The following XIRP2 variants were observed in gnomAD, a reference collection of about 807,000 sequenced individuals.
XIRP2 encodes xin actin binding repeat containing 2, also known as xin actin-binding repeat-containing protein 2.
In XIRP2, 236 loss-of-function variants were observed where a neutral mutation model predicts 277.0. That is an observed-to-expected ratio of 0.85 (90% confidence interval 0.77 to 0.95). The LOEUF is 0.95. Among genes scored for constraint, XIRP2 ranks in the 40% least tolerant of loss-of-function variants. The pLI, the probability that XIRP2 is intolerant of heterozygous loss-of-function variation, is 0.00. For missense variants in XIRP2, 4,640 were observed against 4,157.5 expected, an observed-to-expected ratio of 1.12 and a Z score of -3.19; for synonymous variants, 1,490 against 1,416.5, an observed-to-expected ratio of 1.05 and a Z score of -1.17.
intron 2 of XIRP2, among the ~76,000 whole-genome samples, chr2:167,026,645 G>A (rs1282234426): frequency 1.3e-5 from 2 of 152,072 alleles, no homozygotes; most frequent in Non-Finnish European, 2.9e-5. Context: ...TTTAGGGCAG[G>A]CCTGGTGGTG....
chr2:166,943,515 A>G (rs1685776160), intron 2 of XIRP2, among the ~76,000 whole-genome samples: 2 of 152,194 alleles, frequency 1.3e-5, no homozygotes, highest in Non-Finnish European at 2.9e-5. Flanking sequence ...ACTCGTCTTC[A>G]TATACATTTT....
intron 2 of XIRP2, among the ~76,000 whole-genome samples, chr2:167,024,848 T>C (rs904491915): frequency 1.5e-4 from 23 of 152,214 alleles, no homozygotes; most frequent in Middle Eastern, 3.4e-3. Context: ...CTGCTGGATT[T>C]GGTTTGCCAG....
chr2:167,152,980 C>A (rs762489035), intron 3 of XIRP2, among the ~76,000 whole-genome samples: 1 of 152,166 alleles, frequency 6.6e-6, no homozygotes, highest in Non-Finnish European at 1.5e-5. Flanking sequence ...ATTTCGCAGG[C>A]AACCTCTGCG....
intron 5 of XIRP2, among the ~76,000 whole-genome samples, chr2:167,234,610 G>T (rs1159665921): frequency 6.6e-6 from 1 of 151,662 alleles, no homozygotes; most frequent in East Asian, 1.9e-4. Context: ...AAAATGTTTT[G>T]AATGTTTTAA....
At chr2:166,936,469 A>G (rs980390842) in intron 2 of XIRP2, among the ~76,000 whole-genome samples, 3 of 152,150 alleles carry the variant, frequency 2.0e-5, no homozygotes, top group Admixed American at 6.5e-5. Context: ...TTGGTGTTTT[A>G]GACATGAAGT....
intron 3 of XIRP2, among the ~76,000 whole-genome samples, chr2:167,200,274 C>T (rs1693641658): frequency 6.6e-6 from 1 of 152,188 alleles, no homozygotes; most frequent in Non-Finnish European, 1.5e-5. Context: ...TAAAGACTGG[C>T]CTAGTGATCA....
intron 5 of XIRP2, among the ~76,000 whole-genome samples, chr2:167,226,771 G>A (rs1694615085): frequency 6.6e-6 from 1 of 152,052 alleles, no homozygotes; most frequent in Non-Finnish European, 1.5e-5. Flanking sequence ...TCTGTCTGTA[G>A]GTTCCCACAT....
At chr2:167,074,691 G>A (rs974916297) in intron 2 of XIRP2, among the ~76,000 whole-genome samples, 9 of 151,850 alleles carry the variant, frequency 5.9e-5, no homozygotes, top group Non-Finnish European at 8.8e-5. Flanking sequence ...CCAGACTGGA[G>A]TGCAGTAACA....
intron 2 of XIRP2, among the ~76,000 whole-genome samples, chr2:167,040,805 A>C (rs1688640369): frequency 6.6e-6 from 1 of 152,132 alleles, no homozygotes. Flanking sequence ...ATAGCCAGAT[A>C]GCTTTTGCAG....
chr2:166,939,699 C>CAAAAAAAAAAAAAAAAAAAAAAAAAAAAA (rs796839379), intron 2 of XIRP2, among the ~76,000 whole-genome samples: 2 of 120,432 alleles, frequency 1.7e-5, no homozygotes, highest in Non-Finnish European at 3.5e-5. Context: ...AAAAAAAAAA[C>CAAAAAAAAAAAAAAAAAAAAAAAAAAAAA]AAAAAACAAA....
intron 1 of XIRP2, among the ~76,000 whole-genome samples, chr2:166,896,615 A>G (rs1684250393): frequency 6.6e-6 from 1 of 152,096 alleles, no homozygotes; most frequent in Non-Finnish European, 1.5e-5. Context: ...TTTAAAAATT[A>G]AAAAGTTTAT....
chr2:167,252,349 A>G (rs1412527827), intron 9 of XIRP2, among the ~76,000 whole-genome samples: 2 of 151,982 alleles, frequency 1.3e-5, no homozygotes, highest in Non-Finnish European at 2.9e-5. Context: ...ATTTGCATTG[A>G]GTTCAATACA....
chr2:167,018,162 G>A (rs147669882), intron 2 of XIRP2, among the ~76,000 whole-genome samples: 6 of 151,924 alleles, frequency 3.9e-5, no homozygotes, highest in South Asian at 2.1e-4. Context: ...AGCCTTCTAG[G>A]CATTGTTGCC....
At chr2:167,150,957 T>C (rs1423764566) in intron 3 of XIRP2, among the ~76,000 whole-genome samples, 4 of 152,094 alleles carry the variant, frequency 2.6e-5, no homozygotes, top group Non-Finnish European at 5.9e-5. Flanking sequence ...TAGTGGAAAT[T>C]TGCAAGAGAC....
At chr2:166,890,384 A>G (rs899955611) in intron 1 of XIRP2, among the ~76,000 whole-genome samples, 2 of 152,110 alleles carry the variant, frequency 1.3e-5, no homozygotes, top group Non-Finnish European at 2.9e-5. Flanking sequence ...CCCAGTTCAA[A>G]TTCCAGACCT....
chr2:167,253,321 G>A (rs758658345), intron 9 of XIRP2, among the ~76,000 whole-genome samples: 2 of 151,822 alleles, frequency 1.3e-5, no homozygotes, highest in African/African-American at 2.4e-5. Context: ...AGGTGCTTTA[G>A]AGGAGCAAGA....
At chr2:166,945,344 C>T (rs1167137288) in intron 2 of XIRP2, among the ~76,000 whole-genome samples, 1 of 151,996 alleles carries the variant, frequency 6.6e-6, no homozygotes, top group African/African-American at 2.4e-5. Flanking sequence ...TTACAGGAAT[C>T]TCCAAATCCG....
intron 2 of XIRP2, among the ~76,000 whole-genome samples, chr2:166,950,819 T>C (rs900821856): frequency 3.3e-5 from 5 of 152,034 alleles, no homozygotes; most frequent in South Asian, 2.1e-4. Context: ...GCCAGGGATA[T>C]CACTGATTAT....
intron 2 of XIRP2, among the ~76,000 whole-genome samples, chr2:166,962,086 T>C (rs1686313694): frequency 1.3e-5 from 2 of 151,716 alleles, no homozygotes. Flanking sequence ...TCAATGAAGA[T>C]GGTATTATTA....
Sources: allele counts gnomAD v4.1 joint callset (sites outside exome capture counted in the v4.1 genomes callset), GRCh38; gene constraint gnomAD v4.1.1; transcripts MANE v1.5; gene names NCBI Gene and HGNC (gene_info 2026-07-23, HGNC 2026-07-21).